Variants in GALNT11 observed in about 807,000 individuals in gnomAD.
The protein encoded by GALNT11 is UDP-GalNAc:polypeptide N-acetylgalactosaminyltransferase 11.
A neutral mutation model predicts 72.7 loss-of-function variants in GALNT11; 47 were observed. The observed-to-expected ratio is 0.65, with a 90% confidence interval of 0.51 to 0.82. The LOEUF (loss-of-function observed/expected upper bound fraction) is 0.82. Among genes scored for constraint, GALNT11 ranks in the 40% least tolerant of loss-of-function variants. The probability of loss-of-function intolerance (pLI) is 0.00; values close to 1 mark genes in which losing one functional copy is unlikely to be tolerated. For missense variants in GALNT11, 677 were observed against 778.4 expected, an observed-to-expected ratio of 0.87 and a Z score of 1.55; for synonymous variants, 270 against 286.6, an observed-to-expected ratio of 0.94 and a Z score of 0.58.
chr7:152,099,444 A>G (rs1054478507), intron 2 of GALNT11, among the ~76,000 whole-genome samples: 1 of 141,040 alleles, frequency 7.1e-6, no homozygotes, highest in Non-Finnish European at 1.5e-5. Flanking sequence ...GCTCACTGCA[A>G]CCTCTGCCTT....
intron 1 of GALNT11, among the ~76,000 whole-genome samples, chr7:152,070,843 T>TA (rs1295115806): frequency 6.6e-6 from 1 of 151,848 alleles, no homozygotes; most frequent in Non-Finnish European, 1.5e-5. Flanking sequence ...GCTTGAGAAA[T>TA]AAAGGGACAG....
chr7:152,028,971 A>G (rs1192213967), intron 1 of GALNT11, among the ~76,000 whole-genome samples: 1 of 152,222 alleles, frequency 6.6e-6, no homozygotes, highest in Admixed American at 6.5e-5. Flanking sequence ...GAAGGCAAGT[A>G]ATAGCAAGAT....
chr7:152,063,185 T>C (rs2084113104), intron 1 of GALNT11, among the ~76,000 whole-genome samples: 1 of 152,222 alleles, frequency 6.6e-6, no homozygotes, highest in Non-Finnish European at 1.5e-5. Context: ...CTTCCTGGTT[T>C]AGTCTTGGGA....
intron 1 of GALNT11, among the ~76,000 whole-genome samples, chr7:152,041,734 T>C (rs1261990098): frequency 6.6e-6 from 1 of 152,226 alleles, no homozygotes; most frequent in Non-Finnish European, 1.5e-5. Flanking sequence ...AGAAAATAGA[T>C]TACTCATGGC....
chr7:152,034,989 G>A (rs2082491700), intron 1 of GALNT11, among the ~76,000 whole-genome samples: 1 of 152,132 alleles, frequency 6.6e-6, no homozygotes, highest in Admixed American at 6.5e-5. Context: ...TACCCCTCCT[G>A]TAAAGATGTT....
chr7:152,086,319 C>G (rs1439910788), intron 1 of GALNT11, among the ~76,000 whole-genome samples: 2 of 152,200 alleles, frequency 1.3e-5, no homozygotes, highest in Non-Finnish European at 2.9e-5. Context: ...GCCACCGCGC[C>G]CAGCCCTAAC....
chr7:152,083,664 C>G (rs1300666730), intron 1 of GALNT11, among the ~76,000 whole-genome samples: 1 of 152,054 alleles, frequency 6.6e-6, no homozygotes, highest in Admixed American at 6.6e-5. Flanking sequence ...TGGCTATTCC[C>G]TGCTTATTTA....
intron 1 of GALNT11, among the ~76,000 whole-genome samples, chr7:152,063,594 C>T (rs1357598736): frequency 1.3e-5 from 2 of 152,162 alleles, no homozygotes; most frequent in East Asian, 3.9e-4. Context: ...CTTTTGTGGG[C>T]ATTTAGTGCT....
intron 5 of GALNT11, chr7:152,107,496 G>A (rs556525494): frequency 6.6e-6 from 1 of 152,250 alleles, no homozygotes; most frequent in Non-Finnish European, 1.5e-5. Flanking sequence ...GAGAACTGCT[G>A]TGTGGCAGCC....
chr7:152,086,950 G>T (rs1235116071), intron 1 of GALNT11, among the ~76,000 whole-genome samples: 1 of 152,098 alleles, frequency 6.6e-6, no homozygotes, highest in Non-Finnish European at 1.5e-5. Context: ...TAGTATTAAG[G>T]TATTGCTTAG....
chr7:152,026,974 G>A (rs146847767), intron 1 of GALNT11, among the ~76,000 whole-genome samples: 1 of 152,332 alleles, frequency 6.6e-6, no homozygotes, highest in African/African-American at 2.4e-5. Flanking sequence ...TATTAGCCGG[G>A]TGCGGTGGCT....
In GALNT11 at chr7:152,045,315, A is replaced by G. The variant is rs967582574; in HGVS notation, c.-39+19431A>G. Among the ~76,000 whole-genome samples the G allele has an allele frequency of 2.4e-4, 37 of 152,198 alleles. 1 individual carries two copies. The highest frequency in any genetic ancestry group is 4.1e-4 in the South Asian group (2 of 4,828). ...ATTGGCCTCGCAGAATGAGTTTGAA[A>G]GTATTCCTTCCTCCTTTGTTTTTCT... is the stretch of plus-strand genomic sequence containing the variant. On this transcript the variant is annotated intron_variant, in intron 1 of 11. Transcript: ENST00000430044.
intron 1 of GALNT11, among the ~76,000 whole-genome samples, chr7:152,041,306 G>A (rs1473544160): frequency 1.3e-5 from 2 of 152,150 alleles, no homozygotes; most frequent in African/African-American, 4.8e-5. Context: ...TAGGAAAATG[G>A]TTATCGAGAA....
intron 1 of GALNT11, among the ~76,000 whole-genome samples, chr7:152,049,318 C>T (rs1052656384): frequency 1.1e-4 from 16 of 152,192 alleles, no homozygotes; most frequent in African/African-American, 2.9e-4. Context: ...GTAAATTTTT[C>T]GTCATTGTTG....
At chr7:152,100,408 A>G (rs1391323076) in intron 2 of GALNT11, among the ~76,000 whole-genome samples, 1 of 152,014 alleles carries the variant, frequency 6.6e-6, no homozygotes, top group Non-Finnish European at 1.5e-5. Flanking sequence ...TCAACTAAAA[A>G]TACAAAAATT....
chr7:152,107,516 AGTT>A (rs1326202609), intron 5 of GALNT11: 2 of 152,174 alleles, frequency 1.3e-5, no homozygotes, highest in Admixed American at 1.3e-4. Context: ...CATCATCCAT[AGTT>A]ACAGTGCATG....
chr7:152,059,780 C>G (rs2083897489), intron 1 of GALNT11, among the ~76,000 whole-genome samples: 1 of 152,164 alleles, frequency 6.6e-6, no homozygotes, highest in Admixed American at 6.5e-5. Flanking sequence ...CTTTGTTGTT[C>G]CATTTCTAGA....
intron 5 of GALNT11, 83 bp downstream of exon 5, chr7:152,105,453 C>A (rs1214976480): frequency 6.5e-6 from 10 of 1,528,918 alleles, no homozygotes; most frequent in African/African-American, 1.4e-5. Flanking sequence ...TCTGCAAAGT[C>A]TATGAAGAGT....
intron 2 of GALNT11, among the ~76,000 whole-genome samples, chr7:152,095,781 T>C (rs867519818): frequency 9.8e-5 from 15 of 152,344 alleles, no homozygotes; most frequent in Middle Eastern, 3.4e-3. Context: ...ATAGACTCTG[T>C]ATTTGCTTTT....
Sources: gnomAD v4.1 joint callset for allele counts (sites outside exome capture counted in the v4.1 genomes callset) on GRCh38, gnomAD v4.1.1 for gene constraint, MANE v1.5 for transcripts, NCBI Gene and HGNC (gene_info 2026-07-23, HGNC 2026-07-21) for gene names.